DLC1: variants seen among roughly 807,000 people sequenced by gnomAD.
The protein encoded by DLC1 is rho GTPase-activating protein 7.
In DLC1, 54 loss-of-function variants were observed where a neutral mutation model predicts 140.3. That is an observed-to-expected ratio of 0.38 (90% CI 0.31 to 0.48). DLC1 has a LOEUF of 0.48. Among genes scored for constraint, DLC1 ranks in the 20% least tolerant of loss-of-function variants. DLC1 has a pLI of 0.96. For synonymous variants in DLC1, 986 were observed against 728.1 expected (o/e 1.35, Z -5.70); for missense variants, 2,536 against 1,907.0 (o/e 1.33, Z -6.14).
chr8:13,516,166 T>TG (rs1405544388), upstream of DLC1, among the ~76,000 whole-genome samples: 1 of 150,980 alleles, frequency 6.6e-6, no homozygotes, highest in Non-Finnish European at 1.5e-5. Context: ...AAGCATTTTT[T>TG]TGGGGGGGGA....
intron 5 of DLC1, among the ~76,000 whole-genome samples, chr8:13,272,036 T>C (rs1470237055): frequency 6.6e-6 from 1 of 152,252 alleles, no homozygotes. Context: ...TGGAGGCATT[T>C]AGACTTTTTC....
chr8:13,387,877 T>G (rs1295231608), intron 4 of DLC1, among the ~76,000 whole-genome samples: 1 of 152,086 alleles, frequency 6.6e-6, no homozygotes, highest in African/African-American at 2.4e-5. Context: ...AACACTGGGT[T>G]CCTTCACTGA....
intron 1 of DLC1, among the ~76,000 whole-genome samples, chr8:13,522,692 A>G (rs967025089): frequency 2.6e-4 from 39 of 152,070 alleles, no homozygotes; most frequent in African/African-American, 9.4e-4. Flanking sequence ...ATGTAGTATT[A>G]TGTAGTATAT....
upstream of DLC1, chr8:13,515,405 A>C (rs753326562): frequency 3.9e-5 from 6 of 152,220 alleles, no homozygotes; most frequent in Non-Finnish European, 8.8e-5. Flanking sequence ...GATCACAAGA[A>C]TCCTTCACAG....
At chr8:13,238,932 G>A (rs1456305500) in intron 5 of DLC1, among the ~76,000 whole-genome samples, 2 of 152,222 alleles carry the variant, frequency 1.3e-5, no homozygotes, top group South Asian at 2.1e-4. Context: ...ATGGTGTGGG[G>A]GGTGTAGGGG....
intron 2 of DLC1, among the ~76,000 whole-genome samples, chr8:13,402,737 T>A (rs1309826318): frequency 6.6e-6 from 1 of 152,220 alleles, no homozygotes; most frequent in Non-Finnish European, 1.5e-5. Context: ...CGTTGTGAGA[T>A]GAAAATTGAT....
At chr8:13,266,084 A>G (rs1318916377) in intron 5 of DLC1, among the ~76,000 whole-genome samples, 1 of 152,234 alleles carries the variant, frequency 6.6e-6, no homozygotes, top group Non-Finnish European at 1.5e-5. Context: ...GACTAAAGGA[A>G]ACTTTTCTCT....
At chr8:13,454,218 G>C (rs941816593) in intron 2 of DLC1, among the ~76,000 whole-genome samples, 2 of 151,604 alleles carry the variant, frequency 1.3e-5, no homozygotes, top group Non-Finnish European at 2.9e-5. Flanking sequence ...ACTTATACAA[G>C]GTCATAGTTT....
chr8:13,345,712 C>CA (rs1834304776), intron 4 of DLC1, among the ~76,000 whole-genome samples: 1 of 151,834 alleles, frequency 6.6e-6, no homozygotes, highest in African/African-American at 2.4e-5. Context: ...CACCTGCCAC[C>CA]ACGCCTGGCT....
In DLC1 at chr8:13,524,358, C is replaced by T. The variant is rs1348547801; in HGVS notation, c.-125-24162G>A. On this transcript the variant is annotated intron_variant, in intron 1 of 1. Transcript: ENST00000631382. ...TTGCCATCTTGGCCAGGCTGATCTC[C>T]AGCTCCTGACCTCAAGTGATCTACC... 2.0e-5 allele frequency among the ~76,000 whole-genome samples: 3 copies of T among 151,814 alleles called. No individual in the cohort carries two copies. In the South Asian group the frequency reaches 6.2e-4, roughly 32 times the overall value.
At position 13,548,583 on chromosome 8, in the gene DLC1, G is replaced by A. The variant is rs921440813; in HGVS notation, c.-125-48387C>T. On this transcript the variant is annotated intron_variant, in intron 1 of 1. Transcript: ENST00000631382. Reference sequence around the variant, plus strand: ...TATGCTAAAATTTAATTGCCACTACGTTGTTAAGAGGTGGGACCTTTAATA... The same window carrying A: ...TATGCTAAAATTTAATTGCCACTACATTGTTAAGAGGTGGGACCTTTAATA... 2.6e-4 allele frequency among the ~76,000 whole-genome samples: 39 copies of A among 151,996 alleles called. 1 individual carries two copies. The highest frequency in any genetic ancestry group is 2.4e-3 in the Admixed American group (36 of 15,218).
chr8:13,587,289 GAAAAA>G (rs61556502), intron 1 of DLC1, among the ~76,000 whole-genome samples: 2 of 144,926 alleles, frequency 1.4e-5, no homozygotes, highest in African/African-American at 5.1e-5. Flanking sequence ...CCATAGCCAA[GAAAAA>G]AAAAAGAGAG....
intron 5 of DLC1, among the ~76,000 whole-genome samples, chr8:13,177,407 C>T (rs1324962859): frequency 6.6e-6 from 1 of 152,070 alleles, no homozygotes; most frequent in African/African-American, 2.4e-5. Flanking sequence ...ATTCCAGGAA[C>T]TATAGAGAAC....
At chr8:13,090,666 T>C (rs1817980336) in intron 14 of DLC1, among the ~76,000 whole-genome samples, 196 bp from the exon 15 acceptor site, 2 of 152,196 alleles carry the variant, frequency 1.3e-5, no homozygotes, top group Non-Finnish European at 2.9e-5. Context: ...CATAAATGTA[T>C]CTGAAATCTT....
At chr8:13,165,182 A>C (rs1825021404) in intron 5 of DLC1, among the ~76,000 whole-genome samples, 1 of 152,322 alleles carries the variant, frequency 6.6e-6, no homozygotes, top group East Asian at 1.9e-4. Flanking sequence ...ATATATAATG[A>C]AAGAATTATC....
chr8:13,590,381 A>G (rs1805478792), intron 1 of DLC1, among the ~76,000 whole-genome samples: 1 of 152,048 alleles, frequency 6.6e-6, no homozygotes, highest in Admixed American at 6.6e-5. Context: ...CATTGTATTT[A>G]GAAGTGAGCA....
chr8:13,581,583 T>C (rs1237249209), intron 1 of DLC1, among the ~76,000 whole-genome samples: 1 of 152,212 alleles, frequency 6.6e-6, no homozygotes, highest in Non-Finnish European at 1.5e-5. Flanking sequence ...ATATCCACTG[T>C]CACCCACCTT....
At chr8:13,491,182 A>T (rs1019259142) in intron 2 of DLC1, among the ~76,000 whole-genome samples, 5 of 151,156 alleles carry the variant, frequency 3.3e-5, no homozygotes, top group African/African-American at 1.2e-4. Context: ...TCCCAACTTT[A>T]TGTCATTTTC....
intron 4 of DLC1, among the ~76,000 whole-genome samples, chr8:13,336,763 C>A (rs1833825884): frequency 6.6e-6 from 1 of 152,096 alleles, no homozygotes; most frequent in Admixed American, 6.6e-5. Context: ...GTTAATTAAT[C>A]AATTAATAAT....
Sources: allele counts gnomAD v4.1 joint callset (sites outside exome capture counted in the v4.1 genomes callset), GRCh38; gene constraint gnomAD v4.1.1; transcripts MANE v1.5; gene names NCBI Gene and HGNC (gene_info 2026-07-23, HGNC 2026-07-21).